KIAA1217: variants seen among roughly 807,000 people sequenced by gnomAD.
KIAA1217 encodes the protein sickle tail protein homolog.
In KIAA1217, 88 loss-of-function variants were observed where a neutral mutation model predicts 163.9. The observed-to-expected ratio is 0.54, with a 90% CI of 0.45 to 0.64. KIAA1217 has a LOEUF of 0.64. KIAA1217 is among the 30% of genes least tolerant of loss of function. The probability of loss-of-function intolerance (pLI) is 0.00; values close to 1 mark genes in which losing one functional copy is unlikely to be tolerated. For missense variants in KIAA1217, 2,372 were observed against 2,475.0 expected (o/e 0.96, Z 0.88); for synonymous variants, 903 against 923.1 (o/e 0.98, Z 0.39).
chr10:24,524,272 CCAT>C (rs2071756249), intron 12 of KIAA1217, 48 bp from the exon 13 acceptor site: 2 of 1,555,992 alleles, frequency 1.3e-6, no homozygotes, highest in Non-Finnish European at 8.8e-7. Context: ...AAGTATACCA[CCAT>C]GAGAAAGTGA....
At position 24,362,577 on chromosome 10, in the gene KIAA1217, C is replaced by T. The variant is rs535810697; in HGVS notation, c.355-18292C>T. Among the ~76,000 whole-genome samples, 46 of 152,306 alleles carry T rather than the reference C, an allele frequency of 3.0e-4. No homozygotes were observed. The Middle Eastern group carries it at 0.017, about 56-fold the overall frequency. ...TACAAACCCGAGACAATTTGTAATA[C>T]AAAGAGCTTTTCATGAGATCTTACA... On this transcript the variant is annotated intron_variant, in intron 2 of 20. Transcript: ENST00000376454.
rs556557250 is a variant in KIAA1217 at position 24,375,430 on chromosome 10, G to A, written c.355-5439G>A. On this transcript the variant is annotated intron_variant, in intron 2 of 20. Coordinates refer to ENST00000376454, the MANE Select transcript of KIAA1217 (RefSeq NM_019590.5). ...AGTGAGAGTTTATTAATTTTCCTTT[G>A]GAGTACCGTGAAGCAGGAATGGTAG... is the stretch of plus-strand genomic sequence containing the variant. 1.6e-3 allele frequency among the ~76,000 whole-genome samples: 239 copies of A among 152,282 alleles called. 1 individual carries two copies. Among genetic ancestry groups the A allele is most frequent in the Non-Finnish European group, 2.3e-3 (159 of 68,018 alleles).
chr10:24,292,653 T>G (rs1291672431), intron 2 of KIAA1217, among the ~76,000 whole-genome samples: 1 of 152,208 alleles, frequency 6.6e-6, no homozygotes, highest in Non-Finnish European at 1.5e-5. Context: ...AGCTAATGCA[T>G]TAACTCTAAA....
At chr10:23,937,417 C>T (rs1843578359) in intron 1 of KIAA1217, among the ~76,000 whole-genome samples, 1 of 152,160 alleles carries the variant, frequency 6.6e-6, no homozygotes, top group African/African-American at 2.4e-5. Context: ...ACCAAGGCTC[C>T]AAATTCCCTG....
intron 8 of KIAA1217, among the ~76,000 whole-genome samples, chr10:24,498,282 C>T (rs1022307109): frequency 6.6e-6 from 1 of 151,974 alleles, no homozygotes; most frequent in African/African-American, 2.4e-5. Flanking sequence ...TTGACCAAGA[C>T]GGAGCAGCAG....
intron 2 of KIAA1217, among the ~76,000 whole-genome samples, chr10:24,182,438 T>TCACACACACACACACACACACA (rs3222547): frequency 9.3e-4 from 135 of 144,962 alleles, no homozygotes; most frequent in Non-Finnish European, 1.2e-3. Context: ...CAAGACTCCA[T>TCACACACACACACACACACACA]CACACACACA....
At chr10:23,763,789 T>C (rs1379134371) in intron 1 of KIAA1217, among the ~76,000 whole-genome samples, 1 of 152,178 alleles carries the variant, frequency 6.6e-6, no homozygotes, top group Non-Finnish European at 1.5e-5. Context: ...TATTAGTCTG[T>C]TTCATGTTGC....
At chr10:23,758,252 C>G (rs1443205057) in intron 1 of KIAA1217, among the ~76,000 whole-genome samples, 1 of 152,146 alleles carries the variant, frequency 6.6e-6, no homozygotes, top group Non-Finnish European at 1.5e-5. Flanking sequence ...AGATAAGGGT[C>G]CAATTTCATT....
At chr10:23,731,263 T>C in intron 1 of KIAA1217, among the ~76,000 whole-genome samples, 2 of 152,172 alleles carry the variant, frequency 1.3e-5, no homozygotes, top group Non-Finnish European at 2.9e-5. Flanking sequence ...CAATAAGCCA[T>C]AGGAAAGTTC....
intron 2 of KIAA1217, among the ~76,000 whole-genome samples, chr10:24,048,289 A>G (rs915650178): frequency 5.3e-5 from 8 of 152,352 alleles, no homozygotes; most frequent in African/African-American, 1.4e-4. Context: ...TAGCCACTGT[A>G]CAAATGAAAA....
intron 2 of KIAA1217, among the ~76,000 whole-genome samples, chr10:24,054,843 C>G (rs1231017058): frequency 2.0e-5 from 3 of 152,148 alleles, no homozygotes; most frequent in Non-Finnish European, 4.4e-5. Flanking sequence ...CGGTAAGTAT[C>G]TGTACATCTA....
At chr10:23,930,058 G>T (rs537956574) in intron 1 of KIAA1217, among the ~76,000 whole-genome samples, 71 of 151,970 alleles carry the variant, frequency 4.7e-4, no homozygotes, top group African/African-American at 1.7e-3. Flanking sequence ...GTTATTTTTT[G>T]ACTTTTTTGC....
chr10:23,833,806 A>T (rs111693839), intron 1 of KIAA1217, among the ~76,000 whole-genome samples: 2 of 151,984 alleles, frequency 1.3e-5, no homozygotes, highest in African/African-American at 4.8e-5. Context: ...TTTCTATTAG[A>T]TAAGTGATAT....
intron 3 of KIAA1217, among the ~76,000 whole-genome samples, chr10:24,402,523 CAAAACAAA>C (rs2056689174): frequency 1.4e-5 from 1 of 71,034 alleles, no homozygotes; most frequent in African/African-American, 4.7e-5. Context: ...AAACAAAAAA[CAAAACAAA>C]AAAAAAAAAA....
chr10:24,460,057 C>T (rs570594493), intron 5 of KIAA1217, among the ~76,000 whole-genome samples: 1 of 152,342 alleles, frequency 6.6e-6, no homozygotes, highest in South Asian at 2.1e-4. Context: ...GAGAAACATA[C>T]CTGGGGGCTT....
At chr10:24,381,661 T>G (rs1373807855) in intron 3 of KIAA1217, among the ~76,000 whole-genome samples, 1 of 152,176 alleles carries the variant, frequency 6.6e-6, no homozygotes, top group African/African-American at 2.4e-5. Flanking sequence ...AACCAGTCCC[T>G]GGTGCCAAAA....
intron 2 of KIAA1217, among the ~76,000 whole-genome samples, chr10:24,220,750 C>T (rs1379922390): frequency 1.4e-5 from 2 of 146,598 alleles, no homozygotes; most frequent in African/African-American, 2.5e-5. Flanking sequence ...CACTGCACCC[C>T]GGCCTTTTTT....
At chr10:24,302,002 G>A (rs974400836) in intron 2 of KIAA1217, among the ~76,000 whole-genome samples, 4 of 152,092 alleles carry the variant, frequency 2.6e-5, no homozygotes, top group East Asian at 1.9e-4. Context: ...CCGAGATCAC[G>A]CCACTGCACT....
intron 5 of KIAA1217, among the ~76,000 whole-genome samples, chr10:24,444,510 A>G (rs1012308147): frequency 2.4e-4 from 37 of 152,298 alleles, no homozygotes; most frequent in African/African-American, 8.4e-4. Context: ...CTTCAAAGCC[A>G]CAAGCCATAT....
Sources: gnomAD v4.1 joint callset for allele counts (sites outside exome capture counted in the v4.1 genomes callset) on GRCh38, gnomAD v4.1.1 for gene constraint, MANE v1.5 for transcripts, NCBI Gene and HGNC (gene_info 2026-07-23, HGNC 2026-07-21) for gene names.